PRKAR1B: variants seen among roughly 807,000 people sequenced by gnomAD.
The protein encoded by PRKAR1B is protein kinase cAMP-dependent type I regulatory subunit beta.
Under a neutral mutation model 46.5 loss-of-function variants are expected in PRKAR1B, and 22 were observed. That is an observed-to-expected ratio of 0.47 (90% CI 0.34 to 0.68). PRKAR1B has a LOEUF of 0.68. Ranked by LOEUF, PRKAR1B falls within the 30% of genes least tolerant of loss-of-function variation. The pLI is 0.01. For missense variants in PRKAR1B, 445 were observed against 535.6 expected (o/e 0.83, Z 1.67); for synonymous variants, 259 against 217.7 (o/e 1.19, Z -1.67).
At chr7:591,032 A>G (rs745455736) in intron 7 of PRKAR1B, among the ~76,000 whole-genome samples, 4 of 152,232 alleles carry the variant, frequency 2.6e-5, no homozygotes, top group Admixed American at 1.3e-4. Flanking sequence ...AAAATAATTT[A>G]TAATTCACAC....
chr7:597,813 C>G (rs1359887938), intron 6 of PRKAR1B, among the ~76,000 whole-genome samples: 2 of 152,246 alleles, frequency 1.3e-5, no homozygotes, highest in African/African-American at 4.8e-5. Flanking sequence ...ACAGCCTGGC[C>G]TTCCGCCTCG....
chr7:640,810 AC>A (rs1784351170), intron 4 of PRKAR1B, among the ~76,000 whole-genome samples: 6 of 32,478 alleles, frequency 1.8e-4, no homozygotes, highest in African/African-American at 7.7e-4. Flanking sequence ...ACACACACAG[AC>A]ACAAATGAAA....
At chr7:581,452 T>C (rs2128444206) in intron 8 of PRKAR1B, among the ~76,000 whole-genome samples, 1 of 152,324 alleles carries the variant, frequency 6.6e-6, no homozygotes, top group South Asian at 2.1e-4. Flanking sequence ...ATGGTTTGTG[T>C]TCAGGGTGCA....
chr7:574,280 G>A (rs920949144), intron 9 of PRKAR1B, among the ~76,000 whole-genome samples: 3 of 152,276 alleles, frequency 2.0e-5, no homozygotes, highest in Non-Finnish European at 4.4e-5. Context: ...TGCCTGCAGA[G>A]ACGGCTGAGA....
At chr7:663,374 G>A (rs755223098) in intron 4 of PRKAR1B, among the ~76,000 whole-genome samples, 14 of 152,112 alleles carry the variant, frequency 9.2e-5, no homozygotes, top group Non-Finnish European at 1.5e-4. Context: ...AACTACAGGT[G>A]CATGCCACCA....
intron 4 of PRKAR1B, among the ~76,000 whole-genome samples, chr7:624,485 C>A (rs755204788): frequency 1.6e-4 from 25 of 152,044 alleles, no homozygotes; most frequent in Non-Finnish European, 3.2e-4. Context: ...TTTCCCCTAG[C>A]ATTTCCTCTA....
At chr7:552,252 CACCCA>C (rs1562512357) in intron 9 of PRKAR1B, among the ~76,000 whole-genome samples, 5 of 110,414 alleles carry the variant, frequency 4.5e-5, no homozygotes, top group South Asian at 3.5e-4. Context: ...CCCCACCTCC[CACCCA>C]GGTCCTTCTC....
chr7:665,686 A>G (rs1009665718), intron 4 of PRKAR1B, among the ~76,000 whole-genome samples: 33 of 152,144 alleles, frequency 2.2e-4, no homozygotes, highest in African/African-American at 7.7e-4. Flanking sequence ...TGTTTTTTTA[A>G]TGTTGCCCGA....
chr7:677,106 C>T, intron 4 of PRKAR1B, 123 bp downstream of exon 4: 1 of 918,272 alleles, frequency 1.1e-6, no homozygotes, highest in Non-Finnish European at 1.7e-6. Flanking sequence ...GCAACGGGGG[C>T]TGCCCACCTC....
rs1781128792 is a variant in PRKAR1B, at chr7:593,977, C to T, written c.708+2169G>A. On this transcript the variant is annotated intron_variant, in intron 7 of 10. Transcript: ENST00000537384. This position sits in a 1 kb window ranked among gnomAD's most constrained non-coding sequence, Gnocchi z 6.1. Reference sequence around the variant, plus strand: ...TCGCCGTGGGGCCGGGACAGGCCAGCGCCAGCAGGACACCGTCTCTCAGCT... The same window carrying T: ...TCGCCGTGGGGCCGGGACAGGCCAGTGCCAGCAGGACACCGTCTCTCAGCT... Among the ~76,000 whole-genome samples the T allele has an allele frequency of 6.6e-6, 1 of 152,168 alleles. No homozygotes were observed.
At chr7:550,667 T>G in intron 10 of PRKAR1B, 65 bp from the exon 11 acceptor site, 1 of 1,383,008 alleles carries the variant, frequency 7.2e-7, no homozygotes, top group Non-Finnish European at 9.6e-7. Context: ...AGGGAAAGAT[T>G]ATGTCCAGGA....
intron 5 of PRKAR1B, among the ~76,000 whole-genome samples, chr7:606,737 C>T (rs926912247): frequency 5.3e-5 from 8 of 151,682 alleles, no homozygotes; most frequent in East Asian, 2.0e-4. Flanking sequence ...CGTGAGCCAC[C>T]GCGCCCGGCC....
intron 2 of PRKAR1B, among the ~76,000 whole-genome samples, chr7:686,969 A>T (rs904562036): frequency 2.6e-5 from 4 of 152,244 alleles, no homozygotes; most frequent in African/African-American, 9.6e-5. Context: ...TTGTGTGGAC[A>T]CTAGAAAGAA....
chr7:722,303 T>C (rs923497532), intron 1 of PRKAR1B, among the ~76,000 whole-genome samples: 4 of 152,074 alleles, frequency 2.6e-5, no homozygotes, highest in African/African-American at 7.2e-5. Context: ...GGTTTCACCA[T>C]GTTGTCCAGG....
At chr7:674,536 A>C (rs1786472814) in intron 4 of PRKAR1B, among the ~76,000 whole-genome samples, 2 of 145,812 alleles carry the variant, frequency 1.4e-5, no homozygotes, top group Non-Finnish European at 1.5e-5. Flanking sequence ...ACTCCAGCCA[A>C]ACCCAGCTAT....
chr7:671,968 C>T (rs1786278884), intron 4 of PRKAR1B, among the ~76,000 whole-genome samples: 1 of 152,170 alleles, frequency 6.6e-6, no homozygotes. Flanking sequence ...CAATGTCCTT[C>T]ACCACACACC....
chr7:613,236 CTTTTGTT>C lies in PRKAR1B; in HGVS notation c.441-5791_441-5785del, dbSNP rs751430720. ...CATTTTCATGTGTTTTTTTCTTTTT[CTTTTGTT>C]TTTTTTTTTTTGATTACTTGTACTG... On this transcript the variant is annotated intron_variant, in intron 4 of 10. Transcript: ENST00000537384. Among the ~76,000 whole-genome samples the C allele has an allele frequency of 1.9e-4, 27 of 139,606 alleles. No homozygotes were observed. In the South Asian group the frequency reaches 2.7e-3, roughly 14 times the overall value. 91.6% of individuals were successfully genotyped at this position (139,606 alleles called of 152,430 possible). A position where few individuals can be genotyped will look rare whatever the true frequency, so the allele number is the denominator to read the frequency against.
At chr7:607,499 C>T in intron 4 of PRKAR1B, 47 bp from the exon 5 acceptor site, 1 of 1,495,070 alleles carries the variant, frequency 6.7e-7, no homozygotes, top group South Asian at 1.1e-5. Context: ...AGCACAGGGA[C>T]ATTTAAACCC....
chr7:725,296 A>C (rs539631619), intron 1 of PRKAR1B, among the ~76,000 whole-genome samples: 4 of 152,256 alleles, frequency 2.6e-5, no homozygotes, highest in Admixed American at 2.6e-4. Flanking sequence ...GTCAAACTTG[A>C]AGTTCTGTCC....
Sources: allele counts gnomAD v4.1 joint callset (sites outside exome capture counted in the v4.1 genomes callset), GRCh38; gene constraint gnomAD v4.1.1; non-coding constraint Gnocchi (gnomAD v3.1); transcripts MANE v1.5; gene names NCBI Gene and HGNC (gene_info 2026-07-23, HGNC 2026-07-21).